The following DDX42 variants were observed in gnomAD, a reference collection of about 807,000 sequenced individuals.
DDX42 encodes the protein ATP-dependent RNA helicase DDX42.
In DDX42, 22 loss-of-function variants were observed where a neutral mutation model predicts 101.5. The ratio of observed to expected loss-of-function variants is 0.22; its 90% confidence interval spans 0.15 to 0.31. The LOEUF (loss-of-function observed/expected upper bound fraction) is 0.31. DDX42 is among the 10% of genes least tolerant of loss of function. The pLI is 1.00. For synonymous variants in DDX42, 402 were observed against 401.2 expected, an observed-to-expected ratio of 1.00 and a Z score of -0.02; for missense variants, 849 against 1,199.9, an observed-to-expected ratio of 0.71 and a Z score of 4.32.
chr17:63,817,708 T>G lies in DDX42; in HGVS notation c.2127T>G (p.Ser709Arg). The change falls in exon 18 of 18, where the codon AGT (serine) becomes AGG (arginine). Residue 709 changes from serine (S) to arginine (R), a missense_variant. Coordinates refer to ENST00000389924, the MANE Select transcript of DDX42 (RefSeq NM_203499.3). ...MKAAFQSQYKSHFVAASLSNQ... is the reference protein window; with the variant it reads ...MKAAFQSQYKRHFVAASLSNQ... Reference sequence around the variant, plus strand: ...TTCTCTTTCAGTCACAGTACAAGAGTCACTTTGTTGCAGCCAGTTTAAGTA... The same window carrying G: ...TTCTCTTTCAGTCACAGTACAAGAGGCACTTTGTTGCAGCCAGTTTAAGTA... 6.2e-7 allele frequency: 1 copy of G among 1,614,024 alleles called. No individual in the cohort carries two copies. The highest frequency in any genetic ancestry group is 8.5e-7 in the Non-Finnish European group (1 of 1,179,948).
intron 1 of DDX42, among the ~76,000 whole-genome samples, chr17:63,778,636 A>T (rs1292848091): frequency 8.5e-6 from 1 of 117,084 alleles, no homozygotes; most frequent in Non-Finnish European, 1.7e-5. Context: ...TGAGAGCTTG[A>T]TAATAAAGTT....
At chr17:63,789,179 A>G (rs2039588441) in intron 2 of DDX42, among the ~76,000 whole-genome samples, 1 of 151,984 alleles carries the variant, frequency 6.6e-6, no homozygotes, top group South Asian at 2.1e-4. Context: ...CCTGGGTTCA[A>G]GTGATTCTCA....
intron 7 of DDX42, chr17:63,805,460 A>C: frequency 3.8e-6 from 1 of 260,406 alleles, no homozygotes; most frequent in Non-Finnish European, 7.2e-6. Flanking sequence ...TCCCCATCTA[A>C]AGGAAGAGGA....
intron 10 of DDX42, 52 bp downstream of exon 10, chr17:63,809,000 AC>A (rs2039877145): frequency 6.3e-7 from 1 of 1,595,268 alleles, no homozygotes; most frequent in Non-Finnish European, 8.5e-7. Context: ...GGTATGGAAA[AC>A]ATGATTAGTT....
chr17:63,789,546 CTTTTTTGTTTTTGTTTTT>C (rs370885514), intron 2 of DDX42, among the ~76,000 whole-genome samples: 1,999 of 121,378 alleles, frequency 0.016, 364 homozygotes, highest in African/African-American at 0.046. Context: ...TTCTAAAAGA[CTTTTTTGTTTTTGTTTTT>C]GTTTTTGTTT....
At chr17:63,778,052 A>G (rs2039441894) in intron 1 of DDX42, among the ~76,000 whole-genome samples, 1 of 152,204 alleles carries the variant, frequency 6.6e-6, no homozygotes, top group Non-Finnish European at 1.5e-5. Context: ...CATAATCAGA[A>G]ATGTGTGTTC....
chr17:63,798,380 G>A (rs548392221), intron 4 of DDX42, among the ~76,000 whole-genome samples: 2 of 152,176 alleles, frequency 1.3e-5, no homozygotes, highest in Non-Finnish European at 2.9e-5. Flanking sequence ...GTTTAGGGGA[G>A]CATAATTATT....
rs186829999 is a variant in DDX42, at chr17:63,809,195, A to G, written c.1152+247A>G. Among the ~76,000 whole-genome samples the G allele has an allele frequency of 9.8e-5, 15 of 152,368 alleles. No homozygotes were observed. The East Asian group carries it at 2.9e-3, about 29-fold the overall frequency. ...AATAGTTTTTCTTATACTCTCCCAC[A>G]AAATGATTGCCAAGTTCATCAAGAA... On this transcript the variant is annotated intron_variant, in intron 10 of 17. Transcript: ENST00000389924.
rs984373996 is a variant in DDX42, at chr17:63,805,130, C to T, written c.681C>T (p.Leu227=). The T allele has an allele frequency of 1.4e-5, 22 of 1,613,202 alleles. No homozygotes were observed. The highest frequency in any genetic ancestry group is 1.8e-5 in the Non-Finnish European group (21 of 1,179,860). The change falls in exon 7 of 18, where the codon CTC becomes CTT. Residue 227 remains leucine (L), a synonymous_variant. Transcript: ENST00000389924. Reference sequence around the variant, plus strand: ...ATGAGCATGAAGAGATAACCAACCTCACTCCACAGCAGTTAATAGATCTCC... The same window carrying T: ...ATGAGCATGAAGAGATAACCAACCTTACTCCACAGCAGTTAATAGATCTCC... ...FYNEHEEITN[L]TPQQLIDLRH... is the part of the protein sequence containing the mutation.
chr17:63,810,981 A>T (rs1192566823), intron 12 of DDX42, 95 bp from the exon 13 acceptor site: 1 of 992,032 alleles, frequency 1.0e-6, no homozygotes, highest in African/African-American at 1.7e-5. Context: ...GAGCTTATGT[A>T]AAAAAACTGA....
intron 2 of DDX42, among the ~76,000 whole-genome samples, chr17:63,790,568 C>T (rs1397492862): frequency 1.3e-5 from 2 of 152,166 alleles, no homozygotes; most frequent in East Asian, 1.9e-4. Context: ...AGAGACCAGC[C>T]TGGACAACGT....
At chr17:63,813,508 T>C in intron 15 of DDX42, 54 bp downstream of exon 15, 1 of 1,521,628 alleles carries the variant, frequency 6.6e-7, no homozygotes, top group Middle Eastern at 1.7e-4. Flanking sequence ...CAAGACATTT[T>C]AGCAGTCCTG....
intron 12 of DDX42, 78 bp from the exon 13 acceptor site, chr17:63,810,998 C>A: frequency 8.3e-7 from 1 of 1,203,014 alleles, no homozygotes; most frequent in Non-Finnish European, 1.2e-6. Context: ...CTGAATAATC[C>A]TGAATGCCAA....
intron 14 of DDX42, among the ~76,000 whole-genome samples, chr17:63,812,493 T>C (rs758949483): frequency 2.0e-5 from 3 of 152,226 alleles, no homozygotes; most frequent in Non-Finnish European, 4.4e-5. Context: ...TGTCTGAATA[T>C]AGTAGATACC....
At chr17:63,800,897 CTCTT>C (rs1251059006) in intron 6 of DDX42, among the ~76,000 whole-genome samples, 4 of 125,706 alleles carry the variant, frequency 3.2e-5, no homozygotes, top group Non-Finnish European at 5.0e-5. Flanking sequence ...TTCTTTCTTT[CTCTT>C]TCTTTCTTTT....
At position 63,818,073 on chromosome 17, in the gene DDX42, G is replaced by C. The variant is rs1567748786; in HGVS notation, c.2492G>C (p.Ser831Thr). ...HGETGNRHSDSPRHGDGGRHG... is the reference protein window; with the variant it reads ...HGETGNRHSDTPRHGDGGRHG... Reference sequence around the variant, plus strand: ...GAGACTGGCAATCGGCATAGCGATAGTCCACGTCACGGAGATGGTGGTCGC... The same window carrying C: ...GAGACTGGCAATCGGCATAGCGATACTCCACGTCACGGAGATGGTGGTCGC... The change falls in exon 18 of 18, where the codon AGT (serine) becomes ACT (threonine). Residue 831 changes from serine (S) to threonine (T), a missense_variant. This residue lies in a region of DDX42 where 300 missense variants were observed against 304.9 expected (regional missense o/e 0.98). Transcript: ENST00000389924. 3.1e-6 allele frequency: 5 copies of C among 1,614,038 alleles called. No homozygotes were observed. The highest frequency in any genetic ancestry group is 4.2e-6 in the Non-Finnish European group (5 of 1,180,024).
At chr17:63,778,294 C>G (rs2039445325) in intron 1 of DDX42, among the ~76,000 whole-genome samples, 1 of 152,192 alleles carries the variant, frequency 6.6e-6, no homozygotes, top group African/African-American at 2.4e-5. Flanking sequence ...GATGAAGCAT[C>G]TGGATGTACA....
rs144750372 is a variant in DDX42, at chr17:63,797,421, C to T, written c.373-617C>T. ...CTACACACATTTAACTCACTCCAGC[C>T]CCAAGGATTCTGATTTAGTAGATGT... On this transcript the variant is annotated intron_variant, in intron 3 of 17. Coordinates refer to ENST00000389924, the MANE Select transcript of DDX42 (RefSeq NM_203499.3). 6.6e-3 allele frequency among the ~76,000 whole-genome samples: 1,009 copies of T among 152,000 alleles called. 6 individuals carry two copies. The highest frequency in any genetic ancestry group is 0.025 in the South Asian group (121 of 4,798).
chr17:63,804,636 G>T (rs1355406410), intron 6 of DDX42, among the ~76,000 whole-genome samples: 1 of 152,198 alleles, frequency 6.6e-6, no homozygotes, highest in Non-Finnish European at 1.5e-5. Context: ...TCCTTAGTCT[G>T]CTTCAATGTT....
Sources: allele counts gnomAD v4.1 joint callset (sites outside exome capture counted in the v4.1 genomes callset), GRCh38; gene constraint gnomAD v4.1.1; regional missense constraint gnomAD v4.1.1; transcripts MANE v1.5; gene names NCBI Gene and HGNC (gene_info 2026-07-23, HGNC 2026-07-21).